TUT4: variants seen among roughly 807,000 people sequenced by gnomAD.
TUT4 encodes the protein terminal uridylyl transferase 4.
In TUT4, 36 loss-of-function variants were observed where a neutral mutation model predicts 192.2. The ratio of observed to expected loss-of-function variants is 0.19; its 90% CI spans 0.14 to 0.25. The LOEUF is 0.25. Among genes scored for constraint, TUT4 ranks in the 10% least tolerant of loss-of-function variants. The pLI is 1.00. For missense variants in TUT4, 1,493 were observed against 1,957.2 expected (o/e 0.76, Z 4.47); for synonymous variants, 618 against 666.0 (o/e 0.93, Z 1.11).
chr1:52,463,063 G>A (rs1257004501), intron 16 of TUT4: 12 of 982,528 alleles, frequency 1.2e-5, no homozygotes, highest in African/African-American at 3.5e-5. Context: ...ATTATTCAAC[G>A]ATACAATTAT....
intron 24 of TUT4, among the ~76,000 whole-genome samples, chr1:52,441,282 CTTT>C (rs201555130): frequency 1.9e-4 from 23 of 118,210 alleles, no homozygotes; most frequent in Admixed American, 4.4e-4. Context: ...GGGCATATGG[CTTT>C]TTTTTTTTTT....
intron 2 of TUT4, among the ~76,000 whole-genome samples, chr1:52,517,818 A>G (rs1045052656): frequency 2.0e-5 from 3 of 152,220 alleles, no homozygotes; most frequent in African/African-American, 7.2e-5. Context: ...TCTACTTTTC[A>G]TGAAAAAGGA....
intron 1 of TUT4, among the ~76,000 whole-genome samples, chr1:52,543,482 A>AT (rs60108324): frequency 0.011 from 1,548 of 134,964 alleles, 27 homozygotes; most frequent in African/African-American, 0.035. Context: ...AAAAGACTTA[A>AT]TTTTTTTTTT....
chr1:52,436,260 TG>T (rs1653759654), intron 26 of TUT4, among the ~76,000 whole-genome samples: 1 of 151,902 alleles, frequency 6.6e-6, no homozygotes, highest in African/African-American at 2.4e-5. Flanking sequence ...CCAAGGTGGG[TG>T]GATCACCTGA....
At chr1:52,532,861 C>CT (rs1557985231) in intron 1 of TUT4, among the ~76,000 whole-genome samples, 3 of 152,188 alleles carry the variant, frequency 2.0e-5, no homozygotes, top group Non-Finnish European at 4.4e-5. Flanking sequence ...GTCTACATTT[C>CT]ACAAACTTCT....
chr1:52,469,018 G>A (rs977103726), intron 14 of TUT4, among the ~76,000 whole-genome samples: 1 of 148,600 alleles, frequency 6.7e-6, no homozygotes, highest in African/African-American at 2.6e-5. Flanking sequence ...GCAGTTATCA[G>A]TGCTTACAGA....
At chr1:52,430,827 A>G (rs531881810) in intron 28 of TUT4, among the ~76,000 whole-genome samples, 186 bp downstream of exon 28, 2 of 152,238 alleles carry the variant, frequency 1.3e-5, no homozygotes, top group Non-Finnish European at 2.9e-5. Flanking sequence ...GCTACATAAT[A>G]AATGGCAGGG....
chr1:52,507,313 C>A (rs1388363193), intron 4 of TUT4, among the ~76,000 whole-genome samples: 1 of 152,240 alleles, frequency 6.6e-6, no homozygotes, highest in African/African-American at 2.4e-5. Context: ...ACTTAGTGCA[C>A]TCTAAGGTCT....
chr1:52,525,523 G>T, intron 2 of TUT4, 40 bp downstream of exon 2: 1 of 1,568,828 alleles, frequency 6.4e-7, no homozygotes, highest in South Asian at 1.2e-5. Flanking sequence ...ATAATCTAAA[G>T]AACATTAATA....
intron 1 of TUT4, among the ~76,000 whole-genome samples, chr1:52,545,785 A>G (rs1284468604): frequency 6.6e-6 from 1 of 152,062 alleles, no homozygotes; most frequent in Non-Finnish European, 1.5e-5. Context: ...CAGTTCTTCA[A>G]AAAATTAAAA....
chr1:52,477,959 T>A (rs747845636), intron 11 of TUT4, 77 bp from the exon 12 acceptor site: 36 of 1,347,602 alleles, frequency 2.7e-5, no homozygotes, highest in Non-Finnish European at 3.6e-5. Flanking sequence ...AGAGAAGACC[T>A]TGGAGATCAC....
intron 6 of TUT4, among the ~76,000 whole-genome samples, chr1:52,494,761 C>T (rs980494830): frequency 1.3e-5 from 2 of 152,068 alleles, no homozygotes; most frequent in Non-Finnish European, 2.9e-5. Flanking sequence ...CCTACAAACA[C>T]CAAATTTTCA....
In TUT4 at chr1:52,468,173, T is replaced by C; in HGVS notation, c.2965+8A>G. The C allele has an allele frequency of 1.3e-6, 2 of 1,594,386 alleles. No individual in the cohort carries two copies. Among genetic ancestry groups the C allele is most frequent in the East Asian group, 2.2e-5 (1 of 44,580 alleles). Reference sequence around the variant, plus strand: ...AAAACGCAATAAATTTTTTAACCTATGACATACCATCATATTCTTTTTGAA... The same window carrying C: ...AAAACGCAATAAATTTTTTAACCTACGACATACCATCATATTCTTTTTGAA... On this transcript the variant is annotated splice_region_variant and intron_variant, in intron 15 of 29. Transcript: ENST00000257177.
At chr1:52,485,989 A>G (rs1669697198) in intron 9 of TUT4, among the ~76,000 whole-genome samples, 1 of 152,120 alleles carries the variant, frequency 6.6e-6, no homozygotes, top group Non-Finnish European at 1.5e-5. Flanking sequence ...ATTGCAACTC[A>G]AAATAAAAGA....
At chr1:52,543,120 C>T (rs1219213565) in intron 1 of TUT4, among the ~76,000 whole-genome samples, 1 of 152,084 alleles carries the variant, frequency 6.6e-6, no homozygotes, top group African/African-American at 2.4e-5. Context: ...GCAAAAGAAA[C>T]AAAACGCATC....
chr1:52,438,123 A>G (rs1424534175), intron 25 of TUT4, 97 bp downstream of exon 25: 1 of 965,542 alleles, frequency 1.0e-6, no homozygotes, highest in Non-Finnish European at 1.6e-6. Flanking sequence ...TAAATACCCT[A>G]AACTTTCTCA....
At chr1:52,425,712 T>C (rs1054283272) in intron 28 of TUT4, among the ~76,000 whole-genome samples, 4 of 152,178 alleles carry the variant, frequency 2.6e-5, no homozygotes, top group Non-Finnish European at 5.9e-5. Context: ...AAGAGATATA[T>C]ATATACACAA....
Position 52,526,255 on chromosome 1 carries a change from C to G in TUT4, c.26G>C (p.Ser9Thr). The G allele has an allele frequency of 3.2e-6, 5 of 1,576,124 alleles. No homozygotes were observed. Among genetic ancestry groups the G allele is most frequent in the Non-Finnish European group, 4.3e-6 (5 of 1,169,318 alleles). The change falls in exon 2 of 30, where the codon AGT (serine) becomes ACT (threonine). Residue 9 changes from serine (S) to threonine (T), a missense_variant. Physicochemically the swap from Ser to Thr is moderately conservative, Grantham distance 58 (BLOSUM62 1). Around this residue, in one of 7 missense-constraint regions of TUT4, gnomAD observed 260 missense variants for 247.8 expected, o/e 1.05. Transcript: ENST00000257177. The stretch of plus-strand genomic sequence containing the variant: ...ATTCTTCTTTGGTTCATGATTTTCA[C>G]TTTTTAAGGTTTTAGACTCTTCCAT... Reference protein sequence around the residue: MEESKTLKSENHEPKKNVI... With the variant: MEESKTLKTENHEPKKNVI...
chr1:52,460,488 A>C (rs1662251989), intron 19 of TUT4, among the ~76,000 whole-genome samples: 1 of 152,068 alleles, frequency 6.6e-6, no homozygotes, highest in African/African-American at 2.4e-5. Flanking sequence ...TCTCAACAAC[A>C]GGAACAACAA....
Sources: gnomAD v4.1 joint callset for allele counts (sites outside exome capture counted in the v4.1 genomes callset) on GRCh38, gnomAD v4.1.1 for gene constraint, gnomAD v4.1.1 regional missense constraint, MANE v1.5 for transcripts, NCBI Gene and HGNC (gene_info 2026-07-23, HGNC 2026-07-21) for gene names.